Variants in ZFP90 observed in about 807,000 individuals in gnomAD.
ZFP90 encodes the protein zinc finger protein 90 homolog.
A neutral mutation model predicts 60.8 loss-of-function variants in ZFP90; 38 were observed. That is an observed-to-expected ratio of 0.62 (90% CI 0.48 to 0.82). ZFP90 has a LOEUF of 0.82. Ranked by LOEUF, ZFP90 falls within the 40% of genes least tolerant of loss-of-function variation. The pLI is 0.00. For synonymous variants in ZFP90, 287 were observed against 264.8 expected, an observed-to-expected ratio of 1.08 and a Z score of -0.82; for missense variants, 711 against 759.1, an observed-to-expected ratio of 0.94 and a Z score of 0.74.
At chr16:68,542,729 G>A (rs897118270) in intron 2 of ZFP90, among the ~76,000 whole-genome samples, 6 of 152,238 alleles carry the variant, frequency 3.9e-5, no homozygotes, top group African/African-American at 1.4e-4. Flanking sequence ...GCTGCTGGCA[G>A]TGGGTAGAGG....
chr16:68,544,489 T>G (rs1237769433), intron 2 of ZFP90, among the ~76,000 whole-genome samples: 2 of 152,114 alleles, frequency 1.3e-5, no homozygotes, highest in African/African-American at 4.8e-5. Flanking sequence ...GAGAACCAGA[T>G]CTCTTCATGT....
At chr16:68,539,704 C>T (rs111288731) in intron 1 of ZFP90, 54 bp from the exon 2 acceptor site, 5 of 868,738 alleles carry the variant, frequency 5.8e-6, no homozygotes, top group African/African-American at 5.7e-5. Context: ...CGGGGCGGGG[C>T]GGGGTGGGGT....
At chr16:68,539,660 C>G in intron 1 of ZFP90, 98 bp from the exon 2 acceptor site, 5 of 994,018 alleles carry the variant, frequency 5.0e-6, no homozygotes, top group Non-Finnish European at 7.1e-6. Flanking sequence ...GCCACCATCT[C>G]CCCTGGAGAT....
chr16:68,563,440 A>G lies in ZFP90; in HGVS notation c.653A>G (p.Lys218Arg). The change falls in exon 5 of 5, where the codon AAA (lysine) becomes AGA (arginine). Residue 218 changes from lysine (K) to arginine (R), a missense_variant. Physicochemically the swap from Lys to Arg is conservative, Grantham distance 26 (BLOSUM62 2). This residue lies in a region of ZFP90 where 241 missense variants were observed against 247.6 expected (regional missense o/e 0.97). Transcript: ENST00000563169. ...KKPYKCDKCRKAFIHRSSLTK... is the reference protein window; with the variant it reads ...KKPYKCDKCRRAFIHRSSLTK... ...CCCTATAAGTGTGATAAATGTAGAAAAGCCTTTATTCATAGATCATCGCTT... is the reference window on the plus strand; with the variant it reads ...CCCTATAAGTGTGATAAATGTAGAAGAGCCTTTATTCATAGATCATCGCTT... The G allele has an allele frequency of 6.2e-7, 1 of 1,613,618 alleles. No individual in the cohort carries two copies. Among genetic ancestry groups the G allele is most frequent in the Non-Finnish European group, 8.5e-7 (1 of 1,179,926 alleles).
At chr16:68,542,258 C>T (rs12920509) in intron 2 of ZFP90, among the ~76,000 whole-genome samples, 4 of 152,022 alleles carry the variant, frequency 2.6e-5, no homozygotes, top group Non-Finnish European at 5.9e-5. Context: ...GACATTCTGC[C>T]GGTGGGAAGA....
intron 2 of ZFP90, among the ~76,000 whole-genome samples, chr16:68,573,351 G>A (rs144346511): frequency 1.5e-4 from 23 of 152,198 alleles, no homozygotes; most frequent in Admixed American, 4.6e-4. Flanking sequence ...AGGCTTCATC[G>A]CCAGGTGCAG....
intron 2 of ZFP90, among the ~76,000 whole-genome samples, chr16:68,534,226 TTTC>T (rs200617618): frequency 2.9e-3 from 30 of 10,352 alleles, no homozygotes; most frequent in East Asian, 8.5e-3. Context: ...AAAGATTTTC[TTTC>T]TTTCTTTTTT....
chr16:68,546,941 C>G (rs988314000), intron 2 of ZFP90, among the ~76,000 whole-genome samples: 5 of 152,156 alleles, frequency 3.3e-5, no homozygotes, highest in African/African-American at 1.2e-4. Context: ...AAAATAAAAG[C>G]CTTTCTAAGG....
intron 2 of ZFP90, among the ~76,000 whole-genome samples, chr16:68,550,087 G>A (rs11642189): frequency 0.77 from 116,521 of 152,052 alleles, 44,742 homozygotes; most frequent in East Asian, 0.82. Context: ...AAGTTTTCTA[G>A]TGGCTACAAT....
chr16:68,570,653 G>A (rs2091562806), downstream of ZFP90, among the ~76,000 whole-genome samples: 1 of 152,246 alleles, frequency 6.6e-6, no homozygotes, highest in African/African-American at 2.4e-5. Flanking sequence ...TTTCAGCACT[G>A]TCTGCTGGTT....
At chr16:68,547,305 C>T (rs550904089) in intron 2 of ZFP90, among the ~76,000 whole-genome samples, 1 of 152,276 alleles carries the variant, frequency 6.6e-6, no homozygotes, top group African/African-American at 2.4e-5. Flanking sequence ...CCATCCTAAC[C>T]AGTGTGAGGT....
chr16:68,537,240 T>C (rs961974661), upstream of ZFP90, among the ~76,000 whole-genome samples: 3 of 152,012 alleles, frequency 2.0e-5, no homozygotes, highest in African/African-American at 7.2e-5. Flanking sequence ...ATTCCCCTGC[T>C]ACAGCCTCCC....
At chr16:68,540,287 C>T (rs765492333) in intron 2 of ZFP90, among the ~76,000 whole-genome samples, 1 of 152,052 alleles carries the variant, frequency 6.6e-6, no homozygotes, top group Non-Finnish European at 1.5e-5. Context: ...TAGGAAGAGG[C>T]TGGAGATGGG....
At position 68,565,426 on chromosome 16, in the gene ZFP90, T is replaced by C. The variant is rs531429853; in HGVS notation, c.*728T>C. ...GACACTTTGAGAATTCTTAAAAGTA[T>C]AAGTGGGAGCAAAATGTATGCAAAT... On this transcript the variant is annotated 3_prime_UTR_variant, in exon 5 of 5. Coordinates refer to ENST00000563169, the MANE Select transcript of ZFP90 (RefSeq NM_001305203.2). 1,114 of 985,614 alleles carry C rather than the reference T, an allele frequency of 1.1e-3. 1 individual carries two copies. Among genetic ancestry groups the C allele is most frequent in the Admixed American group, 2.0e-3 (33 of 16,284 alleles). The allele number at this position is 985,614 out of a possible 1,614,324, so 61.1% of individuals were successfully genotyped here.
At chr16:68,541,316 A>G (rs996827166) in intron 2 of ZFP90, among the ~76,000 whole-genome samples, 4 of 151,070 alleles carry the variant, frequency 2.6e-5, no homozygotes, top group Non-Finnish European at 4.4e-5. Flanking sequence ...GGGATTACAG[A>G]TGTGAGCCAC....
intron 2 of ZFP90, among the ~76,000 whole-genome samples, chr16:68,542,773 C>T (rs890335457): frequency 1.3e-5 from 2 of 152,086 alleles, no homozygotes; most frequent in Admixed American, 1.3e-4. Flanking sequence ...TTCTTTTTGG[C>T]CTTGTAACTC....
At chr16:68,574,944 T>TAAAAAA (rs2091586351) in intron 2 of ZFP90, among the ~76,000 whole-genome samples, 738 of 69,986 alleles carry the variant, frequency 0.011, 7 homozygotes, top group African/African-American at 0.038. Flanking sequence ...AAAAAAAAAG[T>TAAAAAA]GGAAAAAAAA....
At position 68,563,641 on chromosome 16, in the gene ZFP90, A is replaced by G. The variant is rs765925187; in HGVS notation, c.854A>G (p.Asn285Ser). Reference protein sequence around the residue: ...IHTGEKPFECNVCGKAFRHSS... With the variant: ...IHTGEKPFECSVCGKAFRHSS... ...ACTGGGGAGAAACCCTTTGAATGCA[A>G]TGTATGTGGAAAGGCCTTCAGGCAT... The change falls in exon 5 of 5, where the codon AAT (asparagine) becomes AGT (serine). Residue 285 changes from asparagine to serine, a missense_variant. Physicochemically the swap from Asn to Ser is conservative, Grantham distance 46. Around this residue, in one of 5 missense-constraint regions of ZFP90, gnomAD observed 146 missense variants for 201.4 expected, o/e 0.73. Transcript: ENST00000563169. 8.7e-6 allele frequency: 14 copies of G among 1,614,108 alleles called. No homozygotes were observed. Among genetic ancestry groups the G allele is most frequent in the Non-Finnish European group, 1.2e-5 (14 of 1,179,996 alleles).
downstream of ZFP90, among the ~76,000 whole-genome samples, chr16:68,568,989 ATTC>A (rs1430753308): frequency 4.0e-5 from 6 of 151,060 alleles, 1 homozygote; most frequent in Admixed American, 3.3e-4. Context: ...ATCATGGCAT[ATTC>A]TTATAATTTA....
Sources: allele counts gnomAD v4.1 joint callset (sites outside exome capture counted in the v4.1 genomes callset), GRCh38; gene constraint gnomAD v4.1.1; regional missense constraint gnomAD v4.1.1; transcripts MANE v1.5; gene names NCBI Gene and HGNC (gene_info 2026-07-23, HGNC 2026-07-21).